PPM1H: variants seen among roughly 807,000 people sequenced by gnomAD.
The protein encoded by PPM1H is protein phosphatase 1H.
PPM1H carries 27 observed loss-of-function variants against 54.9 expected under a neutral mutation model. The ratio of observed to expected loss-of-function variants is 0.49; its 90% confidence interval spans 0.36 to 0.68. The LOEUF (loss-of-function observed/expected upper bound fraction) is 0.68. Ranked by LOEUF, PPM1H falls within the 30% of genes least tolerant of loss-of-function variation. The pLI is 0.00. For missense variants in PPM1H, 596 were observed against 667.8 expected (o/e 0.89, Z 1.19); for synonymous variants, 305 against 270.8 (o/e 1.13, Z -1.24).
intron 8 of PPM1H, among the ~76,000 whole-genome samples, chr12:62,669,621 C>T (rs952662517): frequency 6.6e-6 from 1 of 152,162 alleles, no homozygotes; most frequent in Non-Finnish European, 1.5e-5. Context: ...CCCTGGGCTC[C>T]TAGCTTCAAG....
At chr12:62,768,601 G>A (rs893477257) in intron 4 of PPM1H, among the ~76,000 whole-genome samples, 6 of 152,072 alleles carry the variant, frequency 3.9e-5, no homozygotes, top group Admixed American at 3.3e-4. Context: ...GTTGCAGTGA[G>A]CCGAGATCCC....
At chr12:62,679,772 G>A (rs186617777) in intron 8 of PPM1H, among the ~76,000 whole-genome samples, 1 of 152,302 alleles carries the variant, frequency 6.6e-6, no homozygotes, top group Admixed American at 6.5e-5. Context: ...AGAACTCACA[G>A]GGTCTGATCT....
At chr12:62,755,684 C>T in intron 4 of PPM1H, 1 of 669,404 alleles carries the variant, frequency 1.5e-6, no homozygotes, top group South Asian at 1.7e-5. Context: ...TCCTGTATCA[C>T]CAACTGCTTA....
intron 3 of PPM1H, among the ~76,000 whole-genome samples, chr12:62,790,801 G>A (rs1437201236): frequency 6.6e-6 from 1 of 152,184 alleles, no homozygotes; most frequent in East Asian, 1.9e-4. Context: ...AGCTGCAGAA[G>A]CATCAAGCAT....
Position 62,667,269 on chromosome 12 carries a change from T to C in PPM1H, c.1306A>G (p.Thr436Ala). 2 of 1,606,078 alleles carry C rather than the reference T, an allele frequency of 1.2e-6. No homozygotes were observed. Among genetic ancestry groups the C allele is most frequent in the Non-Finnish European group, 8.5e-7 (1 of 1,172,992 alleles). The change falls in exon 9 of 10, where the codon ACT becomes GCT. Residue 436 changes from threonine (T) to alanine (A), a missense_variant. Around this residue, in one of 3 missense-constraint regions of PPM1H, gnomAD observed 208 missense variants for 259.5 expected, o/e 0.80. Transcript: ENST00000228705. The stretch of plus-strand genomic sequence containing the variant: ...GATAAAACGTCCCAGAGTCCATCAG[T>C]GGCCAAGATCAGCACATCATCTGAT... ...HGSDDVLILA[T>A]DGLWDVLSNE... is the part of the protein sequence containing the mutation.
rs1015101353 is a variant in PPM1H, at chr12:62,844,960, C to A, written c.246-12681G>T. Among the ~76,000 whole-genome samples the A allele has an allele frequency of 1.3e-5, 2 of 152,184 alleles. No individual in the cohort carries two copies. Among genetic ancestry groups the A allele is most frequent in the Admixed American group, 1.3e-4 (2 of 15,282 alleles). On this transcript the variant is annotated intron_variant, in intron 1 of 9. Coordinates refer to ENST00000228705, the MANE Select transcript of PPM1H (RefSeq NM_020700.2). This position sits in a 1 kb window ranked among gnomAD's most constrained non-coding sequence, Gnocchi z 5.2. ...GGAGTAGGATATGTTAAAGTGACCC[C>A]TAAACATTCTCCAGCAAAGAAGTAG...
At chr12:62,831,405 T>C (rs984645352) in intron 2 of PPM1H, among the ~76,000 whole-genome samples, 1 of 152,122 alleles carries the variant, frequency 6.6e-6, no homozygotes, top group Non-Finnish European at 1.5e-5. Flanking sequence ...TATGACTGCT[T>C]TATTCCCCAG....
At chr12:62,881,021 G>A (rs572946029) in intron 1 of PPM1H, among the ~76,000 whole-genome samples, 4 of 152,242 alleles carry the variant, frequency 2.6e-5, no homozygotes, top group Admixed American at 6.5e-5. Flanking sequence ...CTCCACCCTC[G>A]AATGGTGTCC....
rs749669503 is a variant in PPM1H, at chr12:62,934,661, C to G, written c.76G>C (p.Gly26Arg). Residue 26 changes from glycine (G) to arginine (R), a missense_variant, in exon 1 of 10, where the codon GGC becomes CGC. Transcript: ENST00000228705. This position sits in a 1 kb window ranked among gnomAD's most constrained non-coding sequence, Gnocchi z 4.2. ...TCCGAGCCTCCGCAGCTGCCGCCGC[C>G]GTGCTCGGAGCCTGAGCTGCCAGCC... is the stretch of plus-strand genomic sequence containing the variant. The part of the protein sequence containing the change: ...IMAGSSGSEH[G>R]GGSCGGSDLP... 2.3e-5 allele frequency: 37 copies of G among 1,601,246 alleles called. No individual in the cohort carries two copies. The highest frequency in any genetic ancestry group is 3.1e-5 in the Non-Finnish European group (36 of 1,175,318).
rs1555202116 is a variant in PPM1H, at chr12:62,863,197, C to CT, written c.246-30919dup. Among the ~76,000 whole-genome samples the CT allele has an allele frequency of 1.1e-3, 165 of 146,626 alleles. No individual in the cohort carries two copies. The South Asian group carries it at 0.019, about 17-fold the overall frequency. On this transcript the variant is annotated intron_variant, in intron 1 of 9. Coordinates refer to ENST00000228705, the MANE Select transcript of PPM1H (RefSeq NM_020700.2). Reference sequence around the variant, plus strand: ...CACTACACCTGGCTAATTTTTCTGACTTTTTTTTTTTGTAGAGATGGGGGT... The same window carrying CT: ...CACTACACCTGGCTAATTTTTCTGACTTTTTTTTTTTTGTAGAGATGGGGGT...
intron 4 of PPM1H, among the ~76,000 whole-genome samples, chr12:62,779,738 C>T (rs1378130583): frequency 1.3e-5 from 2 of 152,250 alleles, no homozygotes; most frequent in Non-Finnish European, 1.5e-5. Flanking sequence ...CTGCTCTTAA[C>T]CACCATCCTG....
rs1468878040 is a variant in PPM1H at position 62,908,401 on chromosome 12, C to T, written c.245+26091G>A. On this transcript the variant is annotated intron_variant, in intron 1 of 9. Coordinates refer to ENST00000228705, the MANE Select transcript of PPM1H (RefSeq NM_020700.2). ...CAGCCTGGGTGACAAGAGCGAGACTCCGTCTCAAAAAAAAAAAAAAAAAAG... is the reference window on the plus strand; with the variant it reads ...CAGCCTGGGTGACAAGAGCGAGACTTCGTCTCAAAAAAAAAAAAAAAAAAG... 2.9e-5 allele frequency among the ~76,000 whole-genome samples: 2 copies of T among 69,214 alleles called. 1 individual carries two copies. The highest frequency in any genetic ancestry group is 8.5e-5 in the Non-Finnish European group (2 of 23,450). 45.4% of individuals were successfully genotyped at this position (69,214 alleles called of 152,430 possible).
chr12:62,743,754 C>T (rs1444745702), intron 4 of PPM1H, among the ~76,000 whole-genome samples: 4 of 151,684 alleles, frequency 2.6e-5, no homozygotes, highest in Non-Finnish European at 5.9e-5. Context: ...AGGCAACTGA[C>T]AGAAGGAAAA....
In PPM1H at chr12:62,934,497, G is replaced by A. The variant is rs1458694098; in HGVS notation, c.240C>T (p.Tyr80=). ...ETRRLPWATG[Y]AEVINAGKST... ...GCCGGTGTCGCTGCACTCACTCTGCGTAGCCAGTGGCCCAGGGCAGCCGCC... is the reference window on the plus strand; with the variant it reads ...GCCGGTGTCGCTGCACTCACTCTGCATAGCCAGTGGCCCAGGGCAGCCGCC... The change falls in exon 1 of 10, where the codon TAC becomes TAT. Residue 80 remains tyrosine, a synonymous_variant. Coordinates refer to ENST00000228705, the MANE Select transcript of PPM1H (RefSeq NM_020700.2). The surrounding 1 kb of genome is among the most constrained non-coding windows in gnomAD (Gnocchi z 4.2). The A allele has an allele frequency of 2.6e-6, 4 of 1,544,670 alleles. No homozygotes were observed. The highest frequency in any genetic ancestry group is 2.6e-6 in the Non-Finnish European group (3 of 1,145,902).
At chr12:62,839,006 G>A (rs542120578) in intron 1 of PPM1H, among the ~76,000 whole-genome samples, 1 of 151,440 alleles carries the variant, frequency 6.6e-6, no homozygotes, top group East Asian at 1.9e-4. Flanking sequence ...AGGGGGACAG[G>A]AGATCATCTC....
intron 4 of PPM1H, among the ~76,000 whole-genome samples, chr12:62,744,187 A>AAAG (rs1555193547): frequency 2.1e-5 from 3 of 146,094 alleles, no homozygotes; most frequent in African/African-American, 2.5e-5. Context: ...AAAAAAAAAA[A>AAAG]AGGCCAGGCG....
At chr12:62,680,678 C>G (rs2076014792) in intron 8 of PPM1H, among the ~76,000 whole-genome samples, 2 of 152,176 alleles carry the variant, frequency 1.3e-5, no homozygotes, top group South Asian at 4.1e-4. Flanking sequence ...AGCCCCAACT[C>G]ACATCTGACT....
chr12:62,914,220 C>T (rs1871550935), intron 1 of PPM1H, among the ~76,000 whole-genome samples: 1 of 152,276 alleles, frequency 6.6e-6, no homozygotes, highest in African/African-American at 2.4e-5. Context: ...TTATAAGGAG[C>T]TTGGCACCTC....
Position 62,667,324 on chromosome 12 carries a change from T to A in PPM1H, c.1251A>T (p.Arg417Ser), listed in dbSNP as rs758605916. The A allele has an allele frequency of 2.5e-6, 4 of 1,584,298 alleles. No individual in the cohort carries two copies. The highest frequency in any genetic ancestry group is 1.8e-5 in the Admixed American group (1 of 54,796). Residue 417 changes from arginine to serine, a missense_variant, in exon 9 of 10, where the codon AGA (arginine) becomes AGT (serine). By Grantham distance (110) the Arg-to-Ser change is moderately radical (BLOSUM62 -1). Coordinates refer to ENST00000228705, the MANE Select transcript of PPM1H (RefSeq NM_020700.2). ...GATCATATTTTGAAAGATCGTAGAT[T>A]CTTACCTGAAAAAAAACAAGAATAC... Reference protein sequence around the residue: ...KPFLSSAPEVRIYDLSKYDHG... With the variant: ...KPFLSSAPEVSIYDLSKYDHG...
Sources: allele counts gnomAD v4.1 joint callset (sites outside exome capture counted in the v4.1 genomes callset), GRCh38; gene constraint gnomAD v4.1.1; regional missense constraint gnomAD v4.1.1; non-coding constraint Gnocchi (gnomAD v3.1); transcripts MANE v1.5; gene names NCBI Gene and HGNC (gene_info 2026-07-23, HGNC 2026-07-21).